Variants in PRKG1 observed in about 807,000 individuals in gnomAD.
PRKG1 encodes the protein cGMP-dependent protein kinase 1.
A neutral mutation model predicts 88.1 loss-of-function variants in PRKG1; 35 were observed. The observed-to-expected ratio is 0.40, with a 90% confidence interval of 0.30 to 0.53. The LOEUF (loss-of-function observed/expected upper bound fraction) is 0.53, where lower values mean the gene tolerates loss of function less well. PRKG1 is among the 20% of genes least tolerant of loss of function. PRKG1 has a pLI of 0.59. For missense variants in PRKG1, 540 were observed against 839.8 expected (o/e 0.64, Z 4.41); for synonymous variants, 303 against 292.5 (o/e 1.04, Z -0.37).
intron 2 of PRKG1, among the ~76,000 whole-genome samples, chr10:51,289,208 C>T (rs2132218829): frequency 6.6e-6 from 1 of 152,254 alleles, no homozygotes; most frequent in South Asian, 2.1e-4. Context: ...CCATGTTGCT[C>T]CTTCTGGTTG....
At chr10:51,815,540 A>C (rs1190417897) in intron 4 of PRKG1, among the ~76,000 whole-genome samples, 4 of 152,168 alleles carry the variant, frequency 2.6e-5, no homozygotes, top group Admixed American at 1.3e-4. Flanking sequence ...GCTGAGGTGC[A>C]AAATAAATAC....
At chr10:51,090,925 T>A (rs1330111477) in intron 1 of PRKG1, among the ~76,000 whole-genome samples, 5 of 152,214 alleles carry the variant, frequency 3.3e-5, no homozygotes, top group African/African-American at 1.2e-4. Flanking sequence ...AACTTGAATG[T>A]TTTCTGTCCA....
At chr10:51,053,496 G>GA in intron 1 of PRKG1, among the ~76,000 whole-genome samples, 1 of 152,166 alleles carries the variant, frequency 6.6e-6, no homozygotes, top group African/African-American at 2.4e-5. Context: ...GTGGTATCCT[G>GA]GGCCATTCCT....
intron 2 of PRKG1, among the ~76,000 whole-genome samples, chr10:51,446,545 G>A (rs1839277163): frequency 6.6e-6 from 1 of 151,806 alleles, no homozygotes; most frequent in African/African-American, 2.4e-5. Context: ...GCATTTTAAG[G>A]TTTCTGAAAA....
chr10:51,639,697 A>G (rs1839750886), intron 3 of PRKG1, among the ~76,000 whole-genome samples: 1 of 151,200 alleles, frequency 6.6e-6, no homozygotes, highest in Non-Finnish European at 1.5e-5. Flanking sequence ...AGATTTATAT[A>G]TAAATTATTT....
At chr10:51,190,072 A>ATGTGTGTGAGTGGT (rs1837593727) in intron 2 of PRKG1, among the ~76,000 whole-genome samples, 2 of 151,956 alleles carry the variant, frequency 1.3e-5, no homozygotes, top group African/African-American at 2.4e-5. Flanking sequence ...GTGAGTGGTT[A>ATGTGTGTGAGTGGT]TATGTGTGAC....
At position 52,217,373 on chromosome 10, in the gene PRKG1, TAC is replaced by T. The variant is rs911173622; in HGVS notation, c.1077-34184_1077-34183del. 2.1e-3 allele frequency among the ~76,000 whole-genome samples: 307 copies of T among 149,706 alleles called. 3 individuals are homozygous for T. Among genetic ancestry groups the T allele is most frequent in the African/African-American group, 6.8e-3 (277 of 40,878 alleles). ...CTATCTATATATATATATACACATA[TAC>T]ACACACACACACTTATATATGTATA... On this transcript the variant is annotated intron_variant, in intron 9 of 17. Coordinates refer to ENST00000373980, the MANE Select transcript of PRKG1 (RefSeq NM_006258.4).
At chr10:52,123,014 A>G (rs995347495) in intron 7 of PRKG1, among the ~76,000 whole-genome samples, 1 of 152,212 alleles carries the variant, frequency 6.6e-6, no homozygotes, top group Non-Finnish European at 1.5e-5. Flanking sequence ...TCTGTATATT[A>G]GGTTGAACCA....
intron 9 of PRKG1, 118 bp downstream of exon 9, chr10:52,162,081 A>T (rs992062162): frequency 2.4e-6 from 2 of 834,724 alleles, no homozygotes; most frequent in East Asian, 2.7e-5. Flanking sequence ...TAATTAGTTG[A>T]GAGACAAAGA....
intron 2 of PRKG1, chr10:51,302,790 A>C (rs1302102916): frequency 2.0e-5 from 3 of 152,180 alleles, no homozygotes; most frequent in Non-Finnish European, 4.4e-5. Flanking sequence ...ATTATGGAGC[A>C]TATGCTGTAC....
At chr10:51,661,700 A>G (rs1463688943) in intron 3 of PRKG1, among the ~76,000 whole-genome samples, 4 of 152,180 alleles carry the variant, frequency 2.6e-5, no homozygotes, top group African/African-American at 9.7e-5. Flanking sequence ...AACTAGAAAT[A>G]CCATTTGACT....
At chr10:51,698,301 C>T in intron 3 of PRKG1, 3 of 1,614,184 alleles carry the variant, frequency 1.9e-6, no homozygotes, top group Non-Finnish European at 2.5e-6. Flanking sequence ...GTCTCCATCG[C>T]TCGAGAATCT....
At chr10:52,108,623 T>C (rs1847480016) in intron 7 of PRKG1, among the ~76,000 whole-genome samples, 1 of 152,308 alleles carries the variant, frequency 6.6e-6, no homozygotes, top group East Asian at 1.9e-4. Context: ...TCTTATGATG[T>C]TGTTCACTAA....
At chr10:51,648,863 G>A (rs1191381561) in intron 3 of PRKG1, among the ~76,000 whole-genome samples, 1 of 152,128 alleles carries the variant, frequency 6.6e-6, no homozygotes, top group Non-Finnish European at 1.5e-5. Flanking sequence ...TATTCCAGTA[G>A]GTGTATTTTT....
At chr10:51,709,737 C>T (rs951549985) in intron 3 of PRKG1, among the ~76,000 whole-genome samples, 27 of 152,158 alleles carry the variant, frequency 1.8e-4, no homozygotes, top group African/African-American at 6.3e-4. Context: ...TGCCAAGGTC[C>T]CAGGACTGGG....
chr10:52,108,140 T>C (rs540936078), intron 7 of PRKG1, among the ~76,000 whole-genome samples: 11 of 152,300 alleles, frequency 7.2e-5, no homozygotes, highest in African/African-American at 2.4e-4. Flanking sequence ...ATCTCAAAAC[T>C]GTTTTGGAGA....
chr10:52,233,909 T>TC (rs1282734754), intron 9 of PRKG1, among the ~76,000 whole-genome samples: 1 of 151,778 alleles, frequency 6.6e-6, no homozygotes, highest in African/African-American at 2.4e-5. Context: ...GACTTAAATG[T>TC]CCCTGCCTGA....
rs1842858777 is a variant in PRKG1, at chr10:51,378,509, T to A, written c.479-89214T>A. On this transcript the variant is annotated intron_variant, in intron 2 of 17. Transcript: ENST00000373980. ...TCAGCTTCCCACTGAGCTCTGCATTTTTCCTTGTTTACACATTGTAATTAA... is the reference window on the plus strand; with the variant it reads ...TCAGCTTCCCACTGAGCTCTGCATTATTCCTTGTTTACACATTGTAATTAA... Among the ~76,000 whole-genome samples the A allele has an allele frequency of 2.6e-5, 4 of 152,216 alleles. No homozygotes were observed. The South Asian group carries it at 8.3e-4, about 32-fold the overall frequency.
intron 4 of PRKG1, among the ~76,000 whole-genome samples, chr10:51,830,063 C>T (rs916407414): frequency 5.3e-5 from 8 of 152,036 alleles, no homozygotes; most frequent in African/African-American, 9.7e-5. Context: ...GTGACCACTT[C>T]GGGAAAGGGT....
Sources: allele counts gnomAD v4.1 joint callset (sites outside exome capture counted in the v4.1 genomes callset), GRCh38; gene constraint gnomAD v4.1.1; transcripts MANE v1.5; gene names NCBI Gene and HGNC (gene_info 2026-07-23, HGNC 2026-07-21).